Variants in CDK19 observed in about 807,000 individuals in gnomAD.
The protein encoded by CDK19 is cyclin-dependent kinase 19.
In CDK19, 20 loss-of-function variants were observed where a neutral mutation model predicts 68.3. The ratio of observed to expected loss-of-function variants is 0.29; its 90% CI spans 0.21 to 0.43. The LOEUF (loss-of-function observed/expected upper bound fraction) is 0.43. Ranked by LOEUF, CDK19 falls within the 20% of genes least tolerant of loss-of-function variation. The pLI, the probability that CDK19 is intolerant of heterozygous loss-of-function variation, is 1.00. For missense variants in CDK19, 339 were observed against 623.5 expected, an observed-to-expected ratio of 0.54 and a Z score of 4.86; for synonymous variants, 221 against 222.8, an observed-to-expected ratio of 0.99 and a Z score of 0.07.
intron 4 of CDK19, among the ~76,000 whole-genome samples, chr6:110,642,723 G>A (rs1026732540): frequency 6.6e-6 from 1 of 152,052 alleles, no homozygotes; most frequent in South Asian, 2.1e-4. Context: ...AGAGGCTGAG[G>A]TGGGAGGATT....
intron 2 of CDK19, among the ~76,000 whole-genome samples, chr6:110,692,507 A>G (rs147702132): frequency 1.3e-5 from 2 of 152,310 alleles, no homozygotes; most frequent in Admixed American, 6.5e-5. Context: ...AGGCAAAGGT[A>G]AAAATAACTG....
chr6:110,777,199 T>C (rs1415971825), intron 1 of CDK19, among the ~76,000 whole-genome samples: 1 of 152,224 alleles, frequency 6.6e-6, no homozygotes, highest in Non-Finnish European at 1.5e-5. Flanking sequence ...TGATGTTGTA[T>C]AAAATATGTA....
chr6:110,614,725 G>GCTCA, intron 12 of CDK19, 59 bp from the exon 13 acceptor site: 1 of 1,566,802 alleles, frequency 6.4e-7, no homozygotes, highest in Non-Finnish European at 8.8e-7. Context: ...GACTCAAGAT[G>GCTCA]CTCATCACAG....
chr6:110,707,940 C>A (rs903068538), intron 2 of CDK19, among the ~76,000 whole-genome samples: 5 of 152,136 alleles, frequency 3.3e-5, no homozygotes, highest in African/African-American at 7.2e-5. Context: ...CCACTGCACT[C>A]CAGCCTGGGC....
chr6:110,751,321 G>A (rs575410432), intron 1 of CDK19, among the ~76,000 whole-genome samples: 1 of 152,148 alleles, frequency 6.6e-6, no homozygotes, highest in Admixed American at 6.6e-5. Context: ...TCCACCTCCC[G>A]TCAGATCAGT....
In CDK19 at chr6:110,621,425, TTTAA is replaced by T; in HGVS notation, c.1111-59_1111-56del. Reference sequence around the variant, plus strand: ...TGAAACCAAATTAACAGGAGCTTTCTTTAATTATTTGATATGCACATGTGGCTGC... The same window carrying T: ...TGAAACCAAATTAACAGGAGCTTTCTTTATTTGATATGCACATGTGGCTGC... On this transcript the variant is annotated intron_variant, in intron 11 of 12. Transcript: ENST00000368911. The surrounding 1 kb of genome is among the most constrained non-coding windows in gnomAD (Gnocchi z 5.4). 1 of 1,507,636 alleles carries T rather than the reference TTTAA, an allele frequency of 6.6e-7. No homozygotes were observed. The highest frequency in any genetic ancestry group is 2.3e-5 in the Admixed American group (1 of 43,962). The allele number at this position is 1,507,636 out of a possible 1,614,324, so 93.4% of individuals were successfully genotyped here. A position where few individuals can be genotyped will look rare whatever the true frequency, so the allele number is the denominator to read the frequency against.
intron 1 of CDK19, among the ~76,000 whole-genome samples, chr6:110,758,222 G>T (rs1778962082): frequency 6.6e-6 from 1 of 151,776 alleles, no homozygotes; most frequent in Admixed American, 6.6e-5. Flanking sequence ...GAGTTAAAAA[G>T]AAAAACAATG....
chr6:110,666,580 G>A (rs1781956652), intron 4 of CDK19, among the ~76,000 whole-genome samples: 3 of 151,844 alleles, frequency 2.0e-5, no homozygotes, highest in Non-Finnish European at 2.9e-5. Flanking sequence ...GACTGACAAG[G>A]TCCCAACGGA....
chr6:110,678,301 T>A (rs1055099094), intron 2 of CDK19, among the ~76,000 whole-genome samples: 4 of 151,904 alleles, frequency 2.6e-5, no homozygotes, highest in African/African-American at 9.7e-5. Context: ...AGTCCACCCA[T>A]CTCCCCTGAA....
chr6:110,760,396 CAAAAAAAAAAAAAAAA>C (rs34613571), intron 1 of CDK19, among the ~76,000 whole-genome samples: 2 of 39,778 alleles, frequency 5.0e-5, no homozygotes, highest in African/African-American at 2.1e-4. Context: ...GGCTTTGTCT[CAAAAAAAAAAAAAAAA>C]AAAAAAAAAG....
chr6:110,650,635 GA>G (rs755472463), intron 4 of CDK19, among the ~76,000 whole-genome samples: 53 of 152,220 alleles, frequency 3.5e-4, no homozygotes, highest in Admixed American at 6.5e-5. Context: ...TAACATTTGG[GA>G]TAACACCTGA....
At chr6:110,734,520 G>GCGCTCTCTCTCTCTCTCTCTCTCTCT (rs1554214772) in intron 2 of CDK19, among the ~76,000 whole-genome samples, 2 of 85,734 alleles carry the variant, frequency 2.3e-5, no homozygotes. Flanking sequence ...GGTGAGCACT[G>GCGCTCTCTCTCTCTCTCTCTCTCTCT]CTCTCTCTCT....
intron 1 of CDK19, among the ~76,000 whole-genome samples, chr6:110,810,773 C>CAA (rs931409889): frequency 2.4e-5 from 3 of 122,494 alleles, no homozygotes; most frequent in Admixed American, 8.5e-5. Flanking sequence ...AACTCCATCT[C>CAA]AAAAAAAAAA....
intron 1 of CDK19, among the ~76,000 whole-genome samples, chr6:110,777,939 T>TA (rs1780526773): frequency 6.6e-6 from 1 of 152,140 alleles, no homozygotes; most frequent in Admixed American, 6.5e-5. Context: ...GTCAAATTCA[T>TA]AGAGACAGAA....
At chr6:110,736,210 G>A (rs180864186) in intron 2 of CDK19, among the ~76,000 whole-genome samples, 10 of 152,234 alleles carry the variant, frequency 6.6e-5, no homozygotes, top group South Asian at 2.1e-4. Context: ...GCGTGCTGGC[G>A]CATGCCTGTA....
intron 2 of CDK19, among the ~76,000 whole-genome samples, chr6:110,741,406 G>A (rs550581052): frequency 5.3e-5 from 8 of 151,672 alleles, no homozygotes; most frequent in East Asian, 1.9e-4. Flanking sequence ...AGGCTGCAGC[G>A]AGCATGATTA....
At chr6:110,753,211 T>G (rs1778594761) in intron 1 of CDK19, among the ~76,000 whole-genome samples, 2 of 152,170 alleles carry the variant, frequency 1.3e-5, no homozygotes, top group African/African-American at 4.8e-5. Context: ...ATTACAGGCG[T>G]GAGCCACCAC....
intron 1 of CDK19, among the ~76,000 whole-genome samples, chr6:110,760,854 C>A (rs1039734641): frequency 6.6e-6 from 1 of 152,170 alleles, no homozygotes; most frequent in Non-Finnish European, 1.5e-5. Flanking sequence ...TCACAAAGCT[C>A]ATTAAGTGGC....
chr6:110,814,807 G>A (rs759190337), intron 1 of CDK19: 10 of 706,814 alleles, frequency 1.4e-5, no homozygotes, highest in South Asian at 1.4e-4. Context: ...TGCGCCGCGG[G>A]AGTTCGAGGT....
Sources: gnomAD v4.1 joint callset for allele counts (sites outside exome capture counted in the v4.1 genomes callset) on GRCh38, gnomAD v4.1.1 for gene constraint, Gnocchi (gnomAD v3.1) non-coding constraint, MANE v1.5 for transcripts, NCBI Gene and HGNC (gene_info 2026-07-23, HGNC 2026-07-21) for gene names.